The following NBEA variants were observed in gnomAD, a reference collection of about 807,000 sequenced individuals.
The protein encoded by NBEA is neurobeachin, also known as lysosomal-trafficking regulator 2.
A neutral mutation model predicts 343.4 loss-of-function variants in NBEA; 44 were observed. That is an observed-to-expected ratio of 0.13 (90% confidence interval 0.10 to 0.16). The LOEUF (loss-of-function observed/expected upper bound fraction) is 0.16. Among genes scored for constraint, NBEA ranks in the 10% least tolerant of loss-of-function variants. The probability of loss-of-function intolerance (pLI) is 1.00; values close to 1 mark genes in which losing one functional copy is unlikely to be tolerated. For synonymous variants in NBEA, 1,175 were observed against 1,238.7 expected (o/e 0.95, Z 1.08); for missense variants, 2,555 against 3,631.3 (o/e 0.70, Z 7.62).
chr13:35,482,321 C>T (rs1021851418), intron 41 of NBEA, among the ~76,000 whole-genome samples: 1 of 151,266 alleles, frequency 6.6e-6, no homozygotes, highest in Non-Finnish European at 1.5e-5. Flanking sequence ...TTCTTTATAT[C>T]TTTACATATA....
At chr13:35,009,972 T>TG (rs2061429755) in intron 1 of NBEA, among the ~76,000 whole-genome samples, 1 of 152,060 alleles carries the variant, frequency 6.6e-6, no homozygotes, top group South Asian at 2.1e-4. Flanking sequence ...TGCCATTGAG[T>TG]GAAACTAGAA....
At chr13:35,092,570 C>T (rs185015557) in intron 10 of NBEA, among the ~76,000 whole-genome samples, 2 of 151,780 alleles carry the variant, frequency 1.3e-5, no homozygotes, top group Non-Finnish European at 2.9e-5. Flanking sequence ...GACACTTTAC[C>T]AAAGAGAATA....
At position 35,358,731 on chromosome 13, in the gene NBEA, A is replaced by C. The variant is rs551609452; in HGVS notation, c.6179+6408A>C. ...AGACTCTGTCTCAAAAAAAAAAATT[A>C]TGGAAATAAAAGATATAAAACTTTG... On this transcript the variant is annotated intron_variant, in intron 38 of 58. Transcript: ENST00000379939. Among the ~76,000 whole-genome samples, 14 of 151,198 alleles carry C rather than the reference A, an allele frequency of 9.3e-5. No individual in the cohort carries two copies. The East Asian group carries it at 2.7e-3, about 29-fold the overall frequency.
intron 1 of NBEA, among the ~76,000 whole-genome samples, chr13:34,968,539 T>G (rs1186170493): frequency 6.6e-6 from 1 of 152,148 alleles, no homozygotes; most frequent in Non-Finnish European, 1.5e-5. Flanking sequence ...AAATATATTT[T>G]AAATTATACG....
At chr13:35,449,088 C>A (rs2046178516) in intron 39 of NBEA, among the ~76,000 whole-genome samples, 1 of 152,012 alleles carries the variant, frequency 6.6e-6, no homozygotes, top group South Asian at 2.1e-4. Context: ...ATAAGTGGTC[C>A]AATATTGCTG....
At chr13:35,393,140 C>A (rs2152901104) in intron 38 of NBEA, among the ~76,000 whole-genome samples, 1 of 151,896 alleles carries the variant, frequency 6.6e-6, no homozygotes, top group Non-Finnish European at 1.5e-5. Flanking sequence ...GTCCAGTTAC[C>A]CTAAAGTGAA....
At chr13:35,298,617 CTA>C (rs1358644896) in intron 35 of NBEA, among the ~76,000 whole-genome samples, 1 of 151,794 alleles carries the variant, frequency 6.6e-6, no homozygotes, top group Non-Finnish European at 1.5e-5. Flanking sequence ...GTAAAACAGT[CTA>C]GACTTTTTTA....
chr13:35,173,683 C>T (rs2070651731), intron 27 of NBEA, 89 bp downstream of exon 27: 1 of 1,316,382 alleles, frequency 7.6e-7, no homozygotes, highest in Non-Finnish European at 1.0e-6. Flanking sequence ...TGGTATTGCT[C>T]AGTGATAGAG....
intron 38 of NBEA, among the ~76,000 whole-genome samples, chr13:35,371,735 C>A (rs545794041): frequency 6.6e-6 from 1 of 152,240 alleles, no homozygotes; most frequent in Admixed American, 6.5e-5. Context: ...ATTGATGCTA[C>A]TTCTAATTTT....
Position 35,290,740 on chromosome 13 carries a change from C to T in NBEA, c.5838+290C>T, listed in dbSNP as rs549494603. ...CTATCATATATATGTATATAAAATA[C>T]GATATATAAAATATCTTAATTTATA... On this transcript the variant is annotated intron_variant, in intron 35 of 58. Transcript: ENST00000379939. 9.0e-4 allele frequency among the ~76,000 whole-genome samples: 135 copies of T among 150,590 alleles called. 3 individuals are homozygous for T. Among genetic ancestry groups the T allele is most frequent in the Non-Finnish European group, 1.1e-3 (77 of 67,510 alleles).
At chr13:35,335,502 G>A (rs550337248) in intron 36 of NBEA, among the ~76,000 whole-genome samples, 1 of 146,106 alleles carries the variant, frequency 6.8e-6, no homozygotes, top group Non-Finnish European at 1.5e-5. Context: ...ATTTTTTGAT[G>A]TTCTCTTTGA....
intron 38 of NBEA, among the ~76,000 whole-genome samples, chr13:35,430,351 A>G (rs752441109): frequency 1.3e-5 from 2 of 152,000 alleles, no homozygotes; most frequent in Non-Finnish European, 2.9e-5. Context: ...CCTGTTGCCC[A>G]ATGTATAGAT....
At chr13:35,004,976 T>G (rs1253569500) in intron 1 of NBEA, among the ~76,000 whole-genome samples, 1 of 152,162 alleles carries the variant, frequency 6.6e-6, no homozygotes, top group Admixed American at 6.5e-5. Context: ...GATGACAGTA[T>G]TTTGCCAGTT....
At chr13:35,260,028 T>C (rs2033064298) in intron 34 of NBEA, among the ~76,000 whole-genome samples, 1 of 152,238 alleles carries the variant, frequency 6.6e-6, no homozygotes, top group Admixed American at 6.5e-5. Context: ...TAATCCAATA[T>C]GAAGATATGG....
At chr13:35,330,265 TTAAG>T (rs1428769863) in intron 36 of NBEA, among the ~76,000 whole-genome samples, 1 of 152,068 alleles carries the variant, frequency 6.6e-6, no homozygotes, top group Non-Finnish European at 1.5e-5. Flanking sequence ...ACTTAGCCTA[TTAAG>T]TAATCAGTTC....
intron 1 of NBEA, among the ~76,000 whole-genome samples, chr13:34,994,370 T>C (rs1366297493): frequency 6.6e-6 from 1 of 152,062 alleles, no homozygotes; most frequent in African/African-American, 2.4e-5. Flanking sequence ...AATTAAAATA[T>C]AGCTTTAAAT....
At chr13:35,164,624 T>A in intron 24 of NBEA, 115 bp downstream of exon 24, 2 of 1,081,272 alleles carry the variant, frequency 1.8e-6, no homozygotes, top group South Asian at 3.0e-5. Context: ...TTTAGGCAAA[T>A]TTTTAACCAT....
intron 36 of NBEA, among the ~76,000 whole-genome samples, chr13:35,332,767 G>T (rs1430895000): frequency 6.6e-6 from 1 of 152,062 alleles, no homozygotes; most frequent in Non-Finnish European, 1.5e-5. Context: ...TTACTTGAAA[G>T]AATTAATAGA....
At chr13:35,279,439 T>G (rs2034892576) in intron 34 of NBEA, among the ~76,000 whole-genome samples, 1 of 152,224 alleles carries the variant, frequency 6.6e-6, no homozygotes, top group Non-Finnish European at 1.5e-5. Context: ...AAAATTAGAT[T>G]CAGACTAAAA....
Sources: gnomAD v4.1 joint callset for allele counts (sites outside exome capture counted in the v4.1 genomes callset) on GRCh38, gnomAD v4.1.1 for gene constraint, MANE v1.5 for transcripts, NCBI Gene and HGNC (gene_info 2026-07-23, HGNC 2026-07-21) for gene names.